Variants in IL1RAPL2 observed in about 807,000 individuals in gnomAD.
IL1RAPL2 encodes X-linked interleukin-1 receptor accessory protein-like 2.
Under a neutral mutation model 44.1 loss-of-function variants are expected in IL1RAPL2, and 3 were observed. The ratio of observed to expected loss-of-function variants is 0.07; its 90% CI spans 0.03 to 0.18. IL1RAPL2 has a LOEUF of 0.18. IL1RAPL2 is among the 10% of genes least tolerant of loss of function. IL1RAPL2 has a pLI of 1.00. For synonymous variants in IL1RAPL2, 181 were observed against 178.8 expected (o/e 1.01, Z -0.10); for missense variants, 391 against 496.4 (o/e 0.79, Z 2.02).
chrX:105,037,342 G>A (rs1359618544), intron 2 of IL1RAPL2, among the ~76,000 whole-genome samples: 1 of 111,086 alleles, frequency 9.0e-6, no homozygotes, highest in Non-Finnish European at 1.9e-5. Context: ...GGGAAAATGG[G>A]CCTCAACAGA....
chrX:104,889,734 T>A (rs1276988417), intron 2 of IL1RAPL2, among the ~76,000 whole-genome samples: 1 of 111,592 alleles, frequency 9.0e-6, no homozygotes, highest in Non-Finnish European at 1.9e-5. Context: ...TACCACACAC[T>A]CTCAAAGGAT....
Position 105,169,492 on chromosome X carries a change from C to CTTTTTTTTTTTT in IL1RAPL2, c.83-25964_83-25953dup, listed in dbSNP as rs748101220. Among the ~76,000 whole-genome samples the CTTTTTTTTTTTT allele has an allele frequency of 2.1e-3, 86 of 41,560 alleles. 21 individuals carry two copies. Among genetic ancestry groups the CTTTTTTTTTTTT allele is most frequent in the African/African-American group, 0.011 (78 of 7,272 alleles). 36.1% of individuals were successfully genotyped at this position (41,560 alleles called of 115,157 possible). A position where few individuals can be genotyped will look rare whatever the true frequency, so the allele number is the denominator to read the frequency against. ...TGAGAAACTTTCAGTTTCTTTCTTT[C>CTTTTTTTTTTTT]TTTTTTTTTTTTTTTTTTTTTTTTT... On this transcript the variant is annotated intron_variant, in intron 2 of 10. Transcript: ENST00000372582.
At chrX:105,352,210 G>A (rs921409944) in intron 5 of IL1RAPL2, among the ~76,000 whole-genome samples, 6 of 112,040 alleles carry the variant, frequency 5.4e-5, no homozygotes, top group Non-Finnish European at 7.5e-5. Context: ...GATTACAGGC[G>A]TGAGCCATGG....
intron 2 of IL1RAPL2, among the ~76,000 whole-genome samples, chrX:104,810,909 G>T (rs1932971599): frequency 8.9e-6 from 1 of 112,252 alleles, no homozygotes; most frequent in African/African-American, 3.2e-5. Context: ...GTTATACCCA[G>T]TATCCACTAT....
At chrX:105,562,774 C>T (rs1324669571) in intron 6 of IL1RAPL2, among the ~76,000 whole-genome samples, 1 of 111,588 alleles carries the variant, frequency 9.0e-6, no homozygotes, top group Non-Finnish European at 1.9e-5. Flanking sequence ...AATAACTTCC[C>T]TCAATCTGAA....
At chrX:104,681,836 A>C in intron 2 of IL1RAPL2, among the ~76,000 whole-genome samples, 1 of 112,447 alleles carries the variant, frequency 8.9e-6, no homozygotes, top group Non-Finnish European at 1.9e-5. Flanking sequence ...CTTCATTTTC[A>C]TTCTTAATTA....
At chrX:104,938,190 G>A (rs4515681) in intron 2 of IL1RAPL2, among the ~76,000 whole-genome samples, 2,930 of 112,138 alleles carry the variant, frequency 0.026, 49 homozygotes, top group Non-Finnish European at 0.041. Flanking sequence ...TTTTGGGCAG[G>A]AAGCACTTGT....
intron 5 of IL1RAPL2, among the ~76,000 whole-genome samples, chrX:105,377,444 A>G (rs2035396861): frequency 9.1e-6 from 1 of 109,300 alleles, no homozygotes; most frequent in Admixed American, 1.0e-4. Context: ...GATAATCTTA[A>G]GTATTTAATT....
intron 2 of IL1RAPL2, among the ~76,000 whole-genome samples, chrX:104,876,667 TTC>T (rs1491419585): frequency 2.8e-5 from 3 of 106,110 alleles, no homozygotes; most frequent in African/African-American, 1.0e-4. Context: ...TTTTTTTTTT[TTC>T]AAGGGACATG....
intron 1 of IL1RAPL2, among the ~76,000 whole-genome samples, chrX:104,657,334 C>G (rs1394962021): frequency 9.0e-6 from 1 of 111,117 alleles, no homozygotes; most frequent in Non-Finnish European, 1.9e-5. Context: ...CTACAACCAT[C>G]TGATCTTTGA....
chrX:104,907,230 T>A (rs1356897200), intron 2 of IL1RAPL2, among the ~76,000 whole-genome samples: 1 of 111,848 alleles, frequency 8.9e-6, no homozygotes, highest in Non-Finnish European at 1.9e-5. Context: ...TCTATCTATT[T>A]TGTTGATCCT....
At position 105,204,234 on chromosome X, in the gene IL1RAPL2, A is replaced by G. The variant is rs185321360; in HGVS notation, c.356+8486A>G. ...TCATATGGTGTCCCTTTATGTGGCA[A>G]CTGGCCCAATTCCAGCTTAATCCCT... On this transcript the variant is annotated intron_variant, in intron 3 of 10. Transcript: ENST00000372582. Among the ~76,000 whole-genome samples the G allele has an allele frequency of 3.7e-3, 416 of 111,843 alleles. 4 individuals are homozygous for G. Among genetic ancestry groups the G allele is most frequent in the African/African-American group, 0.013 (392 of 30,753 alleles).
intron 2 of IL1RAPL2, among the ~76,000 whole-genome samples, chrX:105,026,685 G>A (rs1348054191): frequency 9.0e-6 from 1 of 110,703 alleles, no homozygotes; most frequent in Non-Finnish European, 1.9e-5. Context: ...GAAAGAAATT[G>A]AAGAGGACAC....
chrX:105,145,744 C>T (rs749272551), intron 2 of IL1RAPL2, among the ~76,000 whole-genome samples: 5 of 111,247 alleles, frequency 4.5e-5, no homozygotes, highest in Admixed American at 2.9e-4. Flanking sequence ...AGAATCCTCT[C>T]CTTTGCTACT....
chrX:105,296,195 C>T (rs1418434624), intron 5 of IL1RAPL2, among the ~76,000 whole-genome samples: 1 of 110,881 alleles, frequency 9.0e-6, no homozygotes, highest in Non-Finnish European at 1.9e-5. Context: ...ACAGAGACCC[C>T]ATAGATCAGC....
chrX:104,715,151 T>A lies in IL1RAPL2; in HGVS notation c.82+56156T>A, dbSNP rs1931532867. On this transcript the variant is annotated intron_variant, in intron 2 of 10. Transcript: ENST00000372582. ...GGTAGGCTATTTACTACTAATTAAG[T>A]TTTGGAGCTCATTATTGGTCTGTTC... is the stretch of plus-strand genomic sequence containing the variant. Among the ~76,000 whole-genome samples, 3 of 109,829 alleles carry A rather than the reference T, an allele frequency of 2.7e-5. No individual in the cohort carries two copies. The Admixed American group carries it at 2.9e-4, about 11-fold the overall frequency.
intron 2 of IL1RAPL2, among the ~76,000 whole-genome samples, chrX:105,139,360 G>A (rs1304616220): frequency 9.0e-6 from 1 of 111,428 alleles, no homozygotes; most frequent in Admixed American, 9.5e-5. Flanking sequence ...GTTTGAAAAA[G>A]GGGGGAGAAT....
intron 2 of IL1RAPL2, among the ~76,000 whole-genome samples, chrX:105,169,488 C>CTTTTTTTTT (rs2033403143): frequency 3.7e-5 from 1 of 27,272 alleles, no homozygotes; most frequent in African/African-American, 3.3e-4. Context: ...CAGTTTCTTT[C>CTTTTTTTTT]TTTCTTTTTT....
chrX:104,687,957 T>A (rs1272589842), intron 2 of IL1RAPL2, among the ~76,000 whole-genome samples: 1 of 111,443 alleles, frequency 9.0e-6, no homozygotes, highest in Non-Finnish European at 1.9e-5. Flanking sequence ...AAACCAAAAC[T>A]GTGCCACACT....
Sources: allele counts gnomAD v4.1 joint callset (sites outside exome capture counted in the v4.1 genomes callset), GRCh38; gene constraint gnomAD v4.1.1; transcripts MANE v1.5; gene names NCBI Gene and HGNC (gene_info 2026-07-23, HGNC 2026-07-21).